Variants in FTCDNL1 observed in about 807,000 individuals in gnomAD.
FTCDNL1 encodes the protein formiminotransferase cyclodeaminase N-terminal like, also known as formiminotransferase N-terminal subdomain-containing protein.
In FTCDNL1, 11 loss-of-function variants were observed where a neutral mutation model predicts 5.9. The ratio of observed to expected loss-of-function variants is 1.87; its 90% CI spans 1.18 to 3.10. FTCDNL1 has a LOEUF of 3.10. Among genes scored for constraint, FTCDNL1 ranks in the 30% most tolerant of loss-of-function variants. FTCDNL1 has a pLI of 0.00. For missense variants in FTCDNL1, 115 were observed against 65.5 expected (o/e 1.76, Z -2.61); for synonymous variants, 58 against 24.8 (o/e 2.34, Z -3.99).
chr2:199,788,401 G>A (rs1170999397), intron 3 of FTCDNL1, among the ~76,000 whole-genome samples: 1 of 152,104 alleles, frequency 6.6e-6, no homozygotes, highest in Non-Finnish European at 1.5e-5. Flanking sequence ...AAAATTAAAA[G>A]TAAATAATAA....
chr2:199,800,946 G>A (rs1700414210), intron 3 of FTCDNL1, among the ~76,000 whole-genome samples: 1 of 152,234 alleles, frequency 6.6e-6, no homozygotes, highest in Non-Finnish European at 1.5e-5. Flanking sequence ...TTCTGTATTG[G>A]ATGGACATTA....
At chr2:199,745,363 G>A in the FTCDNL1 span, among the ~76,000 whole-genome samples, 3 of 152,038 alleles carry the variant, frequency 2.0e-5, no homozygotes, top group East Asian at 1.9e-4. Context: ...TTATTCTAAC[G>A]TGGCTCTCTA....
chr2:199,801,643 A>AGACTC (rs1475654548), intron 3 of FTCDNL1, among the ~76,000 whole-genome samples: 2 of 151,310 alleles, frequency 1.3e-5, no homozygotes, highest in South Asian at 2.1e-4. Context: ...TAACAGAGTG[A>AGACTC]CAATGTGTCT....
chr2:199,792,732 T>C (rs1269397568), intron 3 of FTCDNL1, among the ~76,000 whole-genome samples: 3 of 152,166 alleles, frequency 2.0e-5, no homozygotes, highest in Non-Finnish European at 2.9e-5. Context: ...ATCCCCAGCA[T>C]AGAGATTTAT....
chr2:199,722,417 G>C, the FTCDNL1 span, among the ~76,000 whole-genome samples: 1 of 152,164 alleles, frequency 6.6e-6, no homozygotes, highest in Non-Finnish European at 1.5e-5. Context: ...TGTCAGGTTT[G>C]TTGAAGATCA....
chr2:199,721,815 A>G, the FTCDNL1 span, among the ~76,000 whole-genome samples: 1 of 152,220 alleles, frequency 6.6e-6, no homozygotes, highest in Non-Finnish European at 1.5e-5. Context: ...AATAATCGTC[A>G]TTCTGACTGG....
At chr2:199,696,977 A>C in the FTCDNL1 span, among the ~76,000 whole-genome samples, 2 of 152,338 alleles carry the variant, frequency 1.3e-5, no homozygotes, top group Admixed American at 1.3e-4. Context: ...AATCTGATAC[A>C]GCTGAAAAAT....
chr2:199,671,330 G>C, the FTCDNL1 span, among the ~76,000 whole-genome samples: 4 of 152,154 alleles, frequency 2.6e-5, no homozygotes, highest in African/African-American at 9.6e-5. Flanking sequence ...AAAAGGGAGA[G>C]TTCTTGGAAG....
At chr2:199,678,815 T>G in the FTCDNL1 span, among the ~76,000 whole-genome samples, 26 of 152,136 alleles carry the variant, frequency 1.7e-4, no homozygotes, top group Non-Finnish European at 4.4e-5. Context: ...AGTTACATAT[T>G]ATAACTCATT....
intron 3 of FTCDNL1, among the ~76,000 whole-genome samples, chr2:199,793,510 C>A (rs954116957): frequency 6.7e-6 from 1 of 150,318 alleles, no homozygotes; most frequent in Non-Finnish European, 1.5e-5. Context: ...TGGTGCAGTC[C>A]GTTTATATAG....
At chr2:199,791,405 T>G (rs986480556) in intron 3 of FTCDNL1, among the ~76,000 whole-genome samples, 1 of 152,158 alleles carries the variant, frequency 6.6e-6, no homozygotes. Flanking sequence ...TATGTGTGTA[T>G]ACAGTTTTTT....
the FTCDNL1 span, among the ~76,000 whole-genome samples, chr2:199,724,582 C>T: frequency 6.6e-6 from 1 of 152,066 alleles, no homozygotes. Flanking sequence ...GGTATGTTGT[C>T]TCCTTGTTCT....
intron 3 of FTCDNL1, among the ~76,000 whole-genome samples, chr2:199,763,654 T>C (rs991064008): frequency 4.6e-5 from 7 of 152,074 alleles, no homozygotes; most frequent in Non-Finnish European, 7.3e-5. Flanking sequence ...GACTATTTCA[T>C]AGGGAAGGAC....
intron 3 of FTCDNL1, among the ~76,000 whole-genome samples, chr2:199,761,030 T>C (rs1261477431): frequency 6.6e-6 from 1 of 152,228 alleles, no homozygotes; most frequent in Non-Finnish European, 1.5e-5. Context: ...CTCTCACTTA[T>C]TGGTGCCTTT....
rs1328523514 is a variant in FTCDNL1 at position 199,846,178 on chromosome 2, A to T, written c.116-8T>A. ...CTTGAGGATGTTTCTTTCCTGTAAA[A>T]AAAACAAGACAGAAGTGCAAGAATT... On this transcript the variant is annotated splice_region_variant and splice_polypyrimidine_tract_variant and intron_variant, in intron 2 of 4. Coordinates refer to ENST00000420128, the MANE Select transcript of FTCDNL1 (RefSeq NM_001363886.2). 2.9e-6 allele frequency: 2 copies of T among 687,716 alleles called. No individual in the cohort carries two copies. The highest frequency in any genetic ancestry group is 3.5e-5 in the African/African-American group (2 of 56,622). The allele number at this position is 687,716 out of a possible 1,614,324, so 42.6% of individuals were successfully genotyped here.
At chr2:199,768,093 C>T (rs1698621088) in intron 3 of FTCDNL1, among the ~76,000 whole-genome samples, 1 of 152,108 alleles carries the variant, frequency 6.6e-6, no homozygotes, top group Non-Finnish European at 1.5e-5. Flanking sequence ...GAGTATTGTG[C>T]CTCATTATAC....
chr2:199,703,162 A>G, the FTCDNL1 span, among the ~76,000 whole-genome samples: 2 of 151,954 alleles, frequency 1.3e-5, no homozygotes, highest in Non-Finnish European at 1.5e-5. Context: ...CCATTAACTC[A>G]TCATTTAGCA....
the FTCDNL1 span, among the ~76,000 whole-genome samples, chr2:199,724,637 T>C: frequency 2.0e-5 from 3 of 152,218 alleles, no homozygotes; most frequent in Admixed American, 1.3e-4. Context: ...AATTTCATTA[T>C]TTACCCAGGA....
the FTCDNL1 span, among the ~76,000 whole-genome samples, chr2:199,701,772 T>G: frequency 5.3e-5 from 8 of 152,156 alleles, no homozygotes; most frequent in East Asian, 1.5e-3. Flanking sequence ...GCTGAGCTCA[T>G]GCCTGTAATC....
Sources: gnomAD v4.1 joint callset for allele counts (sites outside exome capture counted in the v4.1 genomes callset) on GRCh38, gnomAD v4.1.1 for gene constraint, MANE v1.5 for transcripts, NCBI Gene and HGNC (gene_info 2026-07-23, HGNC 2026-07-21) for gene names.